Variants in ADGRL2 observed in about 807,000 individuals in gnomAD.
The protein encoded by ADGRL2 is calcium-independent alpha-latrotoxin receptor 2.
In ADGRL2, 44 loss-of-function variants were observed where a neutral mutation model predicts 157.4. The observed-to-expected ratio is 0.28, with a 90% CI of 0.22 to 0.36. The LOEUF (loss-of-function observed/expected upper bound fraction) is 0.36, where lower values mean the gene tolerates loss of function less well. ADGRL2 is among the 10% of genes least tolerant of loss of function. The probability of loss-of-function intolerance (pLI) is 1.00; values close to 1 mark genes in which losing one functional copy is unlikely to be tolerated. For missense variants in ADGRL2, 1,510 were observed against 1,768.9 expected, an observed-to-expected ratio of 0.85 and a Z score of 2.63; for synonymous variants, 585 against 624.7, an observed-to-expected ratio of 0.94 and a Z score of 0.95.
intron 2 of ADGRL2, among the ~76,000 whole-genome samples, chr1:81,537,167 A>G (rs1194347741): frequency 6.6e-6 from 1 of 152,376 alleles, no homozygotes; most frequent in Non-Finnish European, 1.5e-5. Context: ...ATGAATATGT[A>G]TATTTACATA....
chr1:81,307,858 C>T (rs1205244771), intron 1 of ADGRL2, among the ~76,000 whole-genome samples: 4 of 150,470 alleles, frequency 2.7e-5, no homozygotes, highest in South Asian at 2.1e-4. Flanking sequence ...AAAAAAAATG[C>T]GCCTTGATTT....
chr1:81,545,436 A>G (rs2079992134), intron 2 of ADGRL2, among the ~76,000 whole-genome samples: 1 of 151,978 alleles, frequency 6.6e-6, no homozygotes, highest in Non-Finnish European at 1.5e-5. Flanking sequence ...ATGCACCACC[A>G]TGCCAGGCTA....
chr1:81,585,287 T>C (rs911438862), intron 3 of ADGRL2, among the ~76,000 whole-genome samples: 1 of 152,104 alleles, frequency 6.6e-6, no homozygotes, highest in Non-Finnish European at 1.5e-5. Context: ...AATTATTTCG[T>C]AGTATGGACA....
intron 1 of ADGRL2, among the ~76,000 whole-genome samples, chr1:81,748,467 CAAAAAAAAA>C (rs973818702): frequency 2.4e-5 from 1 of 42,420 alleles, no homozygotes; most frequent in Non-Finnish European, 4.4e-5. Flanking sequence ...GATTCCGTCT[CAAAAAAAAA>C]AAAAAAAAAA....
At chr1:81,339,212 G>A (rs779939087) in intron 1 of ADGRL2, among the ~76,000 whole-genome samples, 10 of 152,234 alleles carry the variant, frequency 6.6e-5, no homozygotes, top group South Asian at 4.2e-4. Context: ...TAGGGAAGGC[G>A]CTCCATTTCA....
intron 2 of ADGRL2, among the ~76,000 whole-genome samples, chr1:81,526,387 A>T (rs1368195570): frequency 6.6e-6 from 1 of 152,204 alleles, no homozygotes; most frequent in Non-Finnish European, 1.5e-5. Flanking sequence ...CCCTCCTTTC[A>T]CTTGAAATTC....
chr1:81,913,747 A>G lies in ADGRL2; in HGVS notation c.287+6517A>G, dbSNP rs980968849. On this transcript the variant is annotated intron_variant, in intron 3 of 23. Transcript: ENST00000686636. ...CTCCTTGAGAAGGAGTGGCAATTTGATATTCTTTTTACTTCGCAAGCCTTT... is the reference window on the plus strand; with the variant it reads ...CTCCTTGAGAAGGAGTGGCAATTTGGTATTCTTTTTACTTCGCAAGCCTTT... 5.3e-5 allele frequency among the ~76,000 whole-genome samples: 8 copies of G among 152,024 alleles called. No homozygotes were observed. The South Asian group carries it at 6.2e-4, about 12-fold the overall frequency.
At chr1:81,369,599 G>T (rs1022131005) in intron 1 of ADGRL2, among the ~76,000 whole-genome samples, 1 of 152,108 alleles carries the variant, frequency 6.6e-6, no homozygotes, top group African/African-American at 2.4e-5. Flanking sequence ...CAGCCGAATG[G>T]ATGACCTTAT....
chr1:81,974,890 T>C (rs1247741727), intron 17 of ADGRL2, among the ~76,000 whole-genome samples: 2 of 152,118 alleles, frequency 1.3e-5, no homozygotes, highest in Non-Finnish European at 1.5e-5. Flanking sequence ...TGGGTTATTA[T>C]AAATAATAAT....
chr1:81,698,634 A>G (rs1426984003), upstream of ADGRL2, among the ~76,000 whole-genome samples: 2 of 152,286 alleles, frequency 1.3e-5, no homozygotes, highest in Middle Eastern at 3.4e-3. Flanking sequence ...TCAGTAAGGA[A>G]TCAAGGGGTC....
chr1:81,878,027 G>C (rs2093887278), intron 2 of ADGRL2, among the ~76,000 whole-genome samples: 1 of 152,038 alleles, frequency 6.6e-6, no homozygotes, highest in African/African-American at 2.4e-5. Flanking sequence ...TGCTATATTA[G>C]AATACTATGC....
At chr1:81,630,815 A>T (rs1417512240) in intron 3 of ADGRL2, among the ~76,000 whole-genome samples, 1 of 152,240 alleles carries the variant, frequency 6.6e-6, no homozygotes, top group Non-Finnish European at 1.5e-5. Context: ...TATGCTATTG[A>T]TATGGAAATA....
intron 1 of ADGRL2, among the ~76,000 whole-genome samples, chr1:81,318,928 C>CTTT (rs397980625): frequency 1.3e-4 from 6 of 45,830 alleles, no homozygotes; most frequent in Admixed American, 4.0e-4. Context: ...TCCATCAATT[C>CTTT]TTTTTTTTTT....
chr1:81,404,587 C>T (rs1234652020), intron 1 of ADGRL2, among the ~76,000 whole-genome samples: 1 of 152,186 alleles, frequency 6.6e-6, no homozygotes, highest in Non-Finnish European at 1.5e-5. Flanking sequence ...CACTCAGAAA[C>T]TTTGAATAAG....
intron 2 of ADGRL2, among the ~76,000 whole-genome samples, chr1:81,510,270 G>T (rs1218719230): frequency 6.6e-6 from 1 of 152,158 alleles, no homozygotes; most frequent in African/African-American, 2.4e-5. Flanking sequence ...TTTATCAGGT[G>T]CATATCCTCT....
chr1:81,511,615 A>C (rs2079079750), intron 2 of ADGRL2, among the ~76,000 whole-genome samples: 1 of 152,072 alleles, frequency 6.6e-6, no homozygotes, highest in African/African-American at 2.4e-5. Flanking sequence ...ATTTTATTTT[A>C]AATTAGTAAT....
intron 3 of ADGRL2, among the ~76,000 whole-genome samples, chr1:81,645,332 C>CAGAG (rs1264860003): frequency 7.4e-6 from 1 of 135,790 alleles, no homozygotes; most frequent in East Asian, 2.2e-4. Context: ...TTGGAGGTTA[C>CAGAG]AGAGAGTTAT....
intron 21 of ADGRL2, 71 bp from the exon 22 acceptor site, chr1:81,986,830 A>G: frequency 2.0e-6 from 3 of 1,504,428 alleles, no homozygotes; most frequent in Non-Finnish European, 2.7e-6. Context: ...AGTTGACTAC[A>G]ACTGTAACAC....
At chr1:81,356,952 C>CAAAAAAAAAAAAAAAGAAAAAA (rs1663348799) in intron 1 of ADGRL2, among the ~76,000 whole-genome samples, 1 of 55,668 alleles carries the variant, frequency 1.8e-5, no homozygotes, top group African/African-American at 7.4e-5. Flanking sequence ...GACTCCGTCT[C>CAAAAAAAAAAAAAAAGAAAAAA]AAAAAAAAAA....
Sources: gnomAD v4.1 joint callset for allele counts (sites outside exome capture counted in the v4.1 genomes callset) on GRCh38, gnomAD v4.1.1 for gene constraint, MANE v1.5 for transcripts, NCBI Gene and HGNC (gene_info 2026-07-23, HGNC 2026-07-21) for gene names.